Variants in KHDRBS2 observed in about 807,000 individuals in gnomAD.
KHDRBS2 encodes KH domain-containing, RNA-binding, signal transduction-associated protein 2.
Under a neutral mutation model 44.3 loss-of-function variants are expected in KHDRBS2, and 26 were observed. The ratio of observed to expected loss-of-function variants is 0.59; its 90% CI spans 0.43 to 0.81. The LOEUF (loss-of-function observed/expected upper bound fraction) is 0.81, where lower values mean the gene tolerates loss of function less well. Among genes scored for constraint, KHDRBS2 ranks in the 40% least tolerant of loss-of-function variants. The pLI is 0.00. For missense variants in KHDRBS2, 476 were observed against 433.1 expected, an observed-to-expected ratio of 1.10 and a Z score of -0.88; for synonymous variants, 194 against 151.1, an observed-to-expected ratio of 1.28 and a Z score of -2.08.
the KHDRBS2 span, among the ~76,000 whole-genome samples, chr6:61,603,931 T>C: frequency 6.6e-6 from 1 of 152,182 alleles, no homozygotes; most frequent in Non-Finnish European, 1.5e-5. Flanking sequence ...ATTTGGTTTA[T>C]TGATGGCGGT....
intron 7 of KHDRBS2, among the ~76,000 whole-genome samples, chr6:61,706,836 G>A (rs1769645834): frequency 6.6e-6 from 1 of 151,596 alleles, no homozygotes; most frequent in Non-Finnish European, 1.5e-5. Context: ...TTATGTGCCA[G>A]ACATTATTCA....
chr6:62,238,986 C>T (rs1834149383), intron 1 of KHDRBS2, among the ~76,000 whole-genome samples: 1 of 151,978 alleles, frequency 6.6e-6, no homozygotes. Flanking sequence ...CTAGATGGAA[C>T]TGTTAAAAAG....
At chr6:61,792,101 A>G (rs1034417895) in intron 6 of KHDRBS2, among the ~76,000 whole-genome samples, 1 of 151,354 alleles carries the variant, frequency 6.6e-6, no homozygotes, top group African/African-American at 2.4e-5. Context: ...TGAAATCTTA[A>G]TTTGGCAATT....
intron 2 of KHDRBS2, among the ~76,000 whole-genome samples, chr6:62,169,159 G>A (rs9446016): frequency 0.11 from 5,601 of 49,914 alleles, 329 homozygotes; most frequent in African/African-American, 0.31. Context: ...GTATATATAC[G>A]TACACATATA....
chr6:61,637,233 G>T, the KHDRBS2 span, among the ~76,000 whole-genome samples: 3 of 151,768 alleles, frequency 2.0e-5, no homozygotes, highest in Middle Eastern at 3.4e-3. Flanking sequence ...TCTTCCTGTG[G>T]CCATGTGTTC....
At chr6:61,950,811 T>A (rs1764582196) in intron 4 of KHDRBS2, among the ~76,000 whole-genome samples, 12 of 152,072 alleles carry the variant, frequency 7.9e-5, no homozygotes, top group Admixed American at 5.9e-4. Context: ...TATTTCTTTA[T>A]GTATACATAT....
At chr6:62,137,169 T>C (rs1285091181) in intron 2 of KHDRBS2, among the ~76,000 whole-genome samples, 2 of 151,734 alleles carry the variant, frequency 1.3e-5, no homozygotes, top group Non-Finnish European at 2.9e-5. Context: ...CCCGGCTAAT[T>C]TGTTTGTATT....
chr6:61,832,942 C>T (rs1792073980), intron 6 of KHDRBS2, among the ~76,000 whole-genome samples: 2 of 152,238 alleles, frequency 1.3e-5, no homozygotes, highest in South Asian at 2.1e-4. Flanking sequence ...TCTTCATAAA[C>T]TTAATACTTT....
At chr6:61,786,486 T>G (rs1314690935) in intron 6 of KHDRBS2, among the ~76,000 whole-genome samples, 5 of 151,894 alleles carry the variant, frequency 3.3e-5, no homozygotes, top group Admixed American at 6.6e-5. Flanking sequence ...GTCAAGAGAG[T>G]GCTAGAAAAG....
At chr6:61,741,324 C>CT (rs1196319916) in intron 6 of KHDRBS2, among the ~76,000 whole-genome samples, 1 of 151,676 alleles carries the variant, frequency 6.6e-6, no homozygotes, top group Non-Finnish European at 1.5e-5. Context: ...TTTATGGAGC[C>CT]TAAGATATTT....
chr6:61,795,167 AAAAG>A lies in KHDRBS2; in HGVS notation c.811-62407_811-62404del, dbSNP rs1271687095. On this transcript the variant is annotated intron_variant, in intron 6 of 8. Coordinates refer to ENST00000281156, the MANE Select transcript of KHDRBS2 (RefSeq NM_152688.4). ...CTCAAAAAAAAAAAAAAAAAAAAAA[AAAAG>A]AAAAACATATTTTAGTTTTTCTACA... Among the ~76,000 whole-genome samples the A allele has an allele frequency of 1.3e-5, 2 of 151,552 alleles. 1 individual carries two copies. Among genetic ancestry groups the A allele is most frequent in the African/African-American group, 4.8e-5 (2 of 41,322 alleles).
chr6:62,284,140 C>T (rs1842161022), intron 1 of KHDRBS2, among the ~76,000 whole-genome samples: 1 of 152,054 alleles, frequency 6.6e-6, no homozygotes, highest in Admixed American at 6.5e-5. Flanking sequence ...ACTGTTTTAC[C>T]AGCCACAGAA....
chr6:61,890,272 GA>G (rs1801618279), intron 6 of KHDRBS2, among the ~76,000 whole-genome samples: 1 of 152,054 alleles, frequency 6.6e-6, no homozygotes, highest in Non-Finnish European at 1.5e-5. Flanking sequence ...AATAATTTCA[GA>G]TTACCTAATA....
chr6:62,248,310 C>A (rs1835949311), intron 1 of KHDRBS2, among the ~76,000 whole-genome samples: 2 of 151,114 alleles, frequency 1.3e-5, no homozygotes, highest in Non-Finnish European at 2.9e-5. Context: ...AAACTGGGGC[C>A]CAGCAAAACA....
intron 2 of KHDRBS2, among the ~76,000 whole-genome samples, chr6:62,095,243 A>G (rs1219960331): frequency 6.6e-6 from 1 of 151,912 alleles, no homozygotes; most frequent in Non-Finnish European, 1.5e-5. Context: ...TTTAACCAAG[A>G]AAGTAAAAGG....
intron 8 of KHDRBS2, among the ~76,000 whole-genome samples, chr6:61,689,139 A>G (rs1767109362): frequency 1.3e-5 from 2 of 151,860 alleles, no homozygotes; most frequent in Non-Finnish European, 2.9e-5. Flanking sequence ...CAATACTTTT[A>G]TCTATTATTA....
intron 4 of KHDRBS2, among the ~76,000 whole-genome samples, chr6:61,906,692 G>A (rs1421180809): frequency 1.3e-5 from 2 of 152,022 alleles, no homozygotes; most frequent in African/African-American, 2.4e-5. Context: ...TTAACCTGAC[G>A]ACAGTTTCCA....
intron 1 of KHDRBS2, among the ~76,000 whole-genome samples, chr6:62,184,202 C>T (rs1162443217): frequency 4.6e-5 from 7 of 151,544 alleles, no homozygotes; most frequent in Non-Finnish European, 1.0e-4. Context: ...TCCATCACTT[C>T]GAAATCTAAG....
chr6:61,715,903 A>C (rs1295577173), intron 7 of KHDRBS2, among the ~76,000 whole-genome samples: 1 of 151,900 alleles, frequency 6.6e-6, no homozygotes, highest in East Asian at 1.9e-4. Flanking sequence ...AATTTCTTTA[A>C]ATTAGTTGCC....
Sources: gnomAD v4.1 joint callset for allele counts (sites outside exome capture counted in the v4.1 genomes callset) on GRCh38, gnomAD v4.1.1 for gene constraint, MANE v1.5 for transcripts, NCBI Gene and HGNC (gene_info 2026-07-23, HGNC 2026-07-21) for gene names.